Variants in BRCA2 observed in about 807,000 individuals in gnomAD.
BRCA2 encodes the protein breast cancer type 2 susceptibility protein.
A neutral mutation model predicts 276.7 loss-of-function variants in BRCA2; 203 were observed. That is an observed-to-expected ratio of 0.73 (90% CI 0.65 to 0.82). The LOEUF (loss-of-function observed/expected upper bound fraction) is 0.82. Among genes scored for constraint, BRCA2 ranks in the 40% least tolerant of loss-of-function variants. The pLI is 0.00. For missense variants in BRCA2, 3,920 were observed against 3,915.0 expected, an observed-to-expected ratio of 1.00 and a Z score of -0.03; for synonymous variants, 1,289 against 1,338.4, an observed-to-expected ratio of 0.96 and a Z score of 0.81.
chr13:32,391,519 C>T (rs1434525650), intron 24 of BRCA2, among the ~76,000 whole-genome samples: 1 of 152,198 alleles, frequency 6.6e-6, no homozygotes, highest in African/African-American at 2.4e-5. Flanking sequence ...CTAGCTCTCC[C>T]CAGAAGCTGG....
At chr13:32,329,686 A>G (rs754562314) in intron 8 of BRCA2, among the ~76,000 whole-genome samples, 194 bp downstream of exon 8, 1 of 152,130 alleles carries the variant, frequency 6.6e-6, no homozygotes, top group African/African-American at 2.4e-5. Context: ...AAAGTTGCAT[A>G]TATACAATAT....
intron 26 of BRCA2, 141 bp downstream of exon 26, chr13:32,397,185 T>C (rs1180059868): frequency 6.4e-6 from 6 of 942,846 alleles, no homozygotes; most frequent in South Asian, 1.7e-5. Flanking sequence ...CCTGTAAGTA[T>C]AGTTATTTAG....
chr13:32,319,349 T>A, intron 3 of BRCA2, 24 bp downstream of exon 3: 1 of 1,592,960 alleles, frequency 6.3e-7, no homozygotes, highest in Non-Finnish European at 8.6e-7. Flanking sequence ...TATGGTAGAC[T>A]GGGGAGAACT....
intron 24 of BRCA2, among the ~76,000 whole-genome samples, chr13:32,390,610 A>G (rs1194984979): frequency 1.3e-5 from 2 of 152,106 alleles, no homozygotes; most frequent in African/African-American, 2.4e-5. Flanking sequence ...ATTCAGCTCA[A>G]GTATTACCTC....
At position 32,336,405 on chromosome 13, in the gene BRCA2, C is replaced by G. The variant is rs2072449598; in HGVS notation, c.2050C>G (p.Gln684Glu). The change falls in exon 11 of 27, where the codon CAG becomes GAG. Residue 684 changes from glutamine (Q) to glutamate (E), a missense_variant. Physicochemically the swap from Gln to Glu is conservative, Grantham distance 29. Coordinates refer to ENST00000380152, the MANE Select transcript of BRCA2 (RefSeq NM_000059.4). ...ETCSNNTVISQDLDYKEAKCN... is the reference protein window; with the variant it reads ...ETCSNNTVISEDLDYKEAKCN... ...ATGTTCTAATAATACAGTAATCTCT[C>G]AGGATCTTGATTATAAAGAAGCAAA... 3 of 1,613,488 alleles carry G rather than the reference C, an allele frequency of 1.9e-6. No individual in the cohort carries two copies. In the South Asian group the frequency reaches 3.3e-5, roughly 18 times the overall value.
upstream of BRCA2, chr13:32,315,379 G>C (rs1465764165): frequency 1.3e-5 from 2 of 152,290 alleles, no homozygotes; most frequent in Admixed American, 6.5e-5. Flanking sequence ...ATTTCCTTTC[G>C]CCACACTGAG....
intron 25 of BRCA2, chr13:32,396,193 C>G (rs1026559975): frequency 6.0e-6 from 1 of 165,516 alleles, no homozygotes; most frequent in Non-Finnish European, 1.3e-5. Flanking sequence ...AGTCTGGTCT[C>G]GAACTCTTGG....
At chr13:32,369,783 C>T (rs183442191) in intron 18 of BRCA2, among the ~76,000 whole-genome samples, 17 of 152,094 alleles carry the variant, frequency 1.1e-4, no homozygotes, top group African/African-American at 3.9e-4. Context: ...CATGTTGGCC[C>T]GGGTGGTCTC....
chr13:32,317,328 A>G (rs2072270665), intron 2 of BRCA2, among the ~76,000 whole-genome samples: 1 of 152,230 alleles, frequency 6.6e-6, no homozygotes, highest in Admixed American at 6.5e-5. Flanking sequence ...TGAGTGGAAT[A>G]GTTTTTACAT....
At chr13:32,379,103 T>G (rs947350853) in intron 21 of BRCA2, among the ~76,000 whole-genome samples, 1 of 152,188 alleles carries the variant, frequency 6.6e-6, no homozygotes, top group Non-Finnish European at 1.5e-5. Flanking sequence ...TAGAGTACAT[T>G]TATAATTGGA....
rs545355025 is a variant in BRCA2, at chr13:32,316,419, C to T, written c.-39-3C>T. The T allele has an allele frequency of 6.4e-7, 1 of 1,566,356 alleles. No homozygotes were observed. The highest frequency in any genetic ancestry group is 1.4e-5 in the African/African-American group (1 of 73,716). On this transcript the variant is annotated splice_region_variant and splice_polypyrimidine_tract_variant and intron_variant, in intron 1 of 26. Transcript: ENST00000380152. ...AAGTGCATTTTGGTCTTCTGTTTTGCAGACTTATTTACCAAGCATTGGAGG... is the reference window on the plus strand; with the variant it reads ...AAGTGCATTTTGGTCTTCTGTTTTGTAGACTTATTTACCAAGCATTGGAGG...
intron 13 of BRCA2, among the ~76,000 whole-genome samples, chr13:32,348,675 A>G (rs2072627390): frequency 6.6e-6 from 1 of 152,162 alleles, no homozygotes; most frequent in Non-Finnish European, 1.5e-5. Flanking sequence ...AAACTAACCA[A>G]AACAAATGCA....
chr13:32,341,334 T>G, intron 11 of BRCA2, 138 bp downstream of exon 11: 1 of 1,153,800 alleles, frequency 8.7e-7, no homozygotes, highest in Non-Finnish European at 1.3e-6. Flanking sequence ...TTTGGGGGAG[T>G]ATGGTTTGAT....
chr13:32,337,299 A>C lies in BRCA2; in HGVS notation c.2944A>C (p.Ile982Leu), dbSNP rs28897717. The C allele has an allele frequency of 4.0e-5, 65 of 1,612,538 alleles. No homozygotes were observed. Among genetic ancestry groups the C allele is most frequent in the Non-Finnish European group, 5.3e-5 (62 of 1,179,612 alleles). The change falls in exon 11 of 27, where the codon ATA becomes CTA. Residue 982 changes from isoleucine (I) to leucine (L), a missense_variant. Coordinates refer to ENST00000380152, the MANE Select transcript of BRCA2 (RefSeq NM_000059.4). Reference sequence around the variant, plus strand: ...GGACATCTCCTTGAATATAGATAAAATACCAGAAAAAAATAATGATTACAT... The same window carrying C: ...GGACATCTCCTTGAATATAGATAAACTACCAGAAAAAAATAATGATTACAT... ...KSDISLNIDK[I>L]PEKNNDYMNK...
chr13:32,373,824 C>G (rs894416201), intron 20 of BRCA2, among the ~76,000 whole-genome samples: 1 of 152,234 alleles, frequency 6.6e-6, no homozygotes, highest in Non-Finnish European at 1.5e-5. Flanking sequence ...GTGGCTCCAA[C>G]CCCGTATTTC....
At chr13:32,328,245 G>T (rs549849639) in intron 7 of BRCA2, among the ~76,000 whole-genome samples, 2 of 139,366 alleles carry the variant, frequency 1.4e-5, no homozygotes, top group South Asian at 2.3e-4. Flanking sequence ...TTTCTTTTTC[G>T]TTTTTTTTTT....
At chr13:32,391,252 A>G (rs544582268) in intron 24 of BRCA2, among the ~76,000 whole-genome samples, 5 of 152,324 alleles carry the variant, frequency 3.3e-5, no homozygotes, top group African/African-American at 9.6e-5. Flanking sequence ...GATTTCATGT[A>G]GGAGATTAGA....
At chr13:32,374,103 T>C (rs543201789) in intron 20 of BRCA2, among the ~76,000 whole-genome samples, 1 of 152,350 alleles carries the variant, frequency 6.6e-6, no homozygotes, top group Admixed American at 6.5e-5. Context: ...TGGCTGGAGC[T>C]GGAGCAAGTG....
At position 32,355,308 on chromosome 13, in the gene BRCA2, G is replaced by A. The variant is rs2137559272; in HGVS notation, c.7435+20G>A. 5 of 1,612,962 alleles carry A rather than the reference G, an allele frequency of 3.1e-6. No individual in the cohort carries two copies. The highest frequency in any genetic ancestry group is 2.2e-5 in the East Asian group (1 of 44,778). On this transcript the variant is annotated intron_variant, in intron 14 of 26. Transcript: ENST00000380152. The stretch of plus-strand genomic sequence containing the variant: ...CTTTAGGTATTGTATGACAATTTGT[G>A]TGATGAATTTTTGCCTTTCAGTTAG...
Sources: allele counts gnomAD v4.1 joint callset (sites outside exome capture counted in the v4.1 genomes callset), GRCh38; gene constraint gnomAD v4.1.1; transcripts MANE v1.5; gene names NCBI Gene and HGNC (gene_info 2026-07-23, HGNC 2026-07-21).